MFSD12: variants seen among roughly 807,000 people sequenced by gnomAD.
MFSD12 encodes major facilitator superfamily domain-containing protein 12.
In MFSD12, 67 loss-of-function variants were observed where a neutral mutation model predicts 51.2. The ratio of observed to expected loss-of-function variants is 1.31; its 90% confidence interval spans 1.08 to 1.60. MFSD12 has a LOEUF of 1.60. MFSD12 is among the 40% of genes most tolerant of loss of function. MFSD12 has a pLI of 0.00. For missense variants in MFSD12, 921 were observed against 673.0 expected (o/e 1.37, Z -4.08); for synonymous variants, 441 against 316.7 (o/e 1.39, Z -4.17).
intron 1 of MFSD12, among the ~76,000 whole-genome samples, chr19:3,553,874 G>C (rs572794127): frequency 1.3e-5 from 2 of 151,400 alleles, no homozygotes; most frequent in Non-Finnish European, 2.9e-5. Flanking sequence ...CTGAGGTCAG[G>C]AGTTCGAGAC....
At chr19:3,550,609 C>A (rs1568260264) in intron 2 of MFSD12, among the ~76,000 whole-genome samples, 1 of 152,106 alleles carries the variant, frequency 6.6e-6, no homozygotes, top group Non-Finnish European at 1.5e-5. Flanking sequence ...CGAGGATGGT[C>A]TCGATCTCCT....
At chr19:3,553,792 AAAG>A (rs1193940075) in intron 1 of MFSD12, among the ~76,000 whole-genome samples, 1 of 150,642 alleles carries the variant, frequency 6.6e-6, no homozygotes, top group Non-Finnish European at 1.5e-5. Context: ...AAGGAAAAGA[AAAG>A]AAGAGGCTGG....
At chr19:3,542,436 C>T, downstream of MFSD12, 1 of 985,370 alleles carries the variant, frequency 1.0e-6, no homozygotes, top group Non-Finnish European at 1.2e-6. Context: ...GGGACATATT[C>T]CCAAGAGCAA....
At chr19:3,543,812 C>T (rs1299287411), downstream of MFSD12, 15 of 1,508,234 alleles carry the variant, frequency 9.9e-6, 2 homozygotes, top group South Asian at 1.6e-4. Flanking sequence ...ACATGGTGAC[C>T]CGAGTCCCAC....
At chr19:3,546,485 C>CAA (rs1044347458) in intron 6 of MFSD12, 60 bp from the exon 7 acceptor site, 1 of 1,524,708 alleles carries the variant, frequency 6.6e-7, no homozygotes, top group African/African-American at 1.4e-5. Flanking sequence ...CCTGGCGCTT[C>CAA]AATCCGCCAC....
In MFSD12 at chr19:3,544,868, C is replaced by A. The variant is rs754167762; in HGVS notation, c.1361G>T (p.Gly454Val). ...ACAGAGACACAGGGCAGCGGCCACG[C>A]CCACGCCGCCCGTCACAGCCACCAT... is the stretch of plus-strand genomic sequence containing the variant. ...WAMVAVTGGVGVAAALCLCSL... is the reference protein window; with the variant it reads ...WAMVAVTGGVVVAAALCLCSL... Residue 454 changes from glycine to valine, a missense_variant, in exon 9 of 10, where the codon GGC becomes GTC. Physicochemically the swap from Gly to Val is moderately radical, Grantham distance 109. Coordinates refer to ENST00000355415, the MANE Select transcript of MFSD12 (RefSeq NM_174983.5). 3 of 1,611,116 alleles carry A rather than the reference C, an allele frequency of 1.9e-6. No individual in the cohort carries two copies. The highest frequency in any genetic ancestry group is 2.5e-6 in the Non-Finnish European group (3 of 1,179,214).
downstream of MFSD12, chr19:3,543,613 C>G (rs2030644961): frequency 3.2e-6 from 5 of 1,544,810 alleles, no homozygotes; most frequent in Non-Finnish European, 4.4e-6. Context: ...CTGCCCAGTA[C>G]CAGGCCCCCA....
chr19:3,547,972 C>A lies in MFSD12; in HGVS notation c.713G>T (p.Gly238Val). The change falls in exon 4 of 10, where the codon GGC becomes GTC. Residue 238 changes from glycine to valine, a missense_variant. Transcript: ENST00000355415. ...GAVFSLLFHL[G>V]TRERRRPHAE... ...ATGCGGCCGGCGCCTCTCCCGGGTG[C>A]CCAGGTGGAATAGCAGTGAGAACAC... 1 of 1,597,550 alleles carries A rather than the reference C, an allele frequency of 6.3e-7. No individual in the cohort carries two copies.
chr19:3,546,196 C>T (rs369967813), intron 7 of MFSD12, 28 bp from the exon 8 acceptor site: 29 of 1,609,978 alleles, frequency 1.8e-5, no homozygotes, highest in Admixed American at 1.3e-4. Flanking sequence ...AGGTGGTCAG[C>T]GTGCACCCCG....
At chr19:3,543,154 T>A, downstream of MFSD12, 2 of 1,514,320 alleles carry the variant, frequency 1.3e-6, no homozygotes, top group Non-Finnish European at 1.8e-6. Context: ...CTCTACATCA[T>A]CCACCCTGGC....
intron 1 of MFSD12, among the ~76,000 whole-genome samples, chr19:3,552,051 A>C (rs1599838227): frequency 2.0e-5 from 3 of 148,752 alleles, no homozygotes; most frequent in African/African-American, 5.0e-5. Flanking sequence ...CCTCTACCTC[A>C]CCCTTCGGAG....
At chr19:3,546,214 G>T in intron 7 of MFSD12, 41 bp downstream of exon 7, 1 of 1,607,562 alleles carries the variant, frequency 6.2e-7, no homozygotes, top group Non-Finnish European at 8.5e-7. Context: ...CCGAGATCTA[G>T]GACCCGGCCT....
chr19:3,556,801 G>A (rs73527958), intron 1 of MFSD12, among the ~76,000 whole-genome samples: 1 of 136,812 alleles, frequency 7.3e-6, no homozygotes, highest in African/African-American at 2.5e-5. Context: ...CAGAGAGAGG[G>A]GGCTGGGTGG....
downstream of MFSD12, chr19:3,543,846 T>TA (rs2030683950): frequency 2.6e-6 from 4 of 1,542,458 alleles, no homozygotes; most frequent in African/African-American, 5.5e-5. Context: ...CAGGAACCGG[T>TA]ACGGGGTGGA....
chr19:3,545,489 A>G (rs1321957656), intron 8 of MFSD12, among the ~76,000 whole-genome samples: 2 of 152,102 alleles, frequency 1.3e-5, no homozygotes, highest in Non-Finnish European at 2.9e-5. Context: ...CTTTGGCACT[A>G]CTTGTCCCTC....
At chr19:3,545,579 T>C (rs1599823085) in intron 8 of MFSD12, among the ~76,000 whole-genome samples, 1 of 152,240 alleles carries the variant, frequency 6.6e-6, no homozygotes, top group African/African-American at 2.4e-5. Flanking sequence ...CCTGGCTTCC[T>C]GCCCTGGCTG....
intron 4 of MFSD12, chr19:3,539,061 C>T (rs1227360313): frequency 1.6e-5 from 11 of 678,636 alleles, no homozygotes; most frequent in Non-Finnish European, 2.9e-5. Context: ...GGCCACCTCA[C>T]CCCGCAGCTG....
downstream of MFSD12, chr19:3,542,393 G>T (rs1383529025): frequency 1.0e-6 from 1 of 985,280 alleles, no homozygotes; most frequent in Admixed American, 6.2e-5. Flanking sequence ...CTGTCTTGGG[G>T]CCAGCAACCT....
At chr19:3,550,579 G>A (rs560593352) in intron 2 of MFSD12, among the ~76,000 whole-genome samples, 72 of 152,228 alleles carry the variant, frequency 4.7e-4, no homozygotes, top group African/African-American at 1.7e-3. Flanking sequence ...TTTTAGTAGA[G>A]ACGAGGTTTC....
Sources: allele counts gnomAD v4.1 joint callset (sites outside exome capture counted in the v4.1 genomes callset), GRCh38; gene constraint gnomAD v4.1.1; transcripts MANE v1.5; gene names NCBI Gene and HGNC (gene_info 2026-07-23, HGNC 2026-07-21).